Variants in EAPP observed in about 807,000 individuals in gnomAD.
EAPP encodes the protein E2F associated phosphoprotein.
In EAPP, 38 loss-of-function variants were observed where a neutral mutation model predicts 34.3. That is an observed-to-expected ratio of 1.11 (90% CI 0.85 to 1.45). The LOEUF is 1.45. Among genes scored for constraint, EAPP ranks in the 40% most tolerant of loss-of-function variants. EAPP has a pLI of 0.00. For missense variants in EAPP, 338 were observed against 343.7 expected (o/e 0.98, Z 0.13); for synonymous variants, 113 against 117.6 (o/e 0.96, Z 0.25).
At chr14:34,524,542 C>A (rs1449681665) in intron 5 of EAPP, 155 bp downstream of exon 5, 1 of 595,828 alleles carries the variant, frequency 1.7e-6, no homozygotes, top group Admixed American at 2.9e-5. Flanking sequence ...CTTGAACCCA[C>A]GGGGCGGAGG....
intron 4 of EAPP, among the ~76,000 whole-genome samples, chr14:34,528,250 G>A (rs1367841210): frequency 6.6e-6 from 1 of 151,720 alleles, no homozygotes; most frequent in Non-Finnish European, 1.5e-5. Flanking sequence ...TGGCCAGGCT[G>A]GTCTTGAACT....
chr14:34,522,275 C>T (rs1429960829), intron 5 of EAPP, among the ~76,000 whole-genome samples: 5 of 132,260 alleles, frequency 3.8e-5, no homozygotes, highest in African/African-American at 8.2e-5. Context: ...TTAATTATTT[C>T]GATCTCTGTT....
intron 3 of EAPP, among the ~76,000 whole-genome samples, chr14:34,529,753 C>T (rs1388391935): frequency 2.6e-5 from 4 of 152,052 alleles, no homozygotes; most frequent in Admixed American, 6.6e-5. Context: ...CGGTGGCTCA[C>T]GCCTGTAATC....
Position 34,516,129 on chromosome 14 carries a change from GA to G in EAPP, c.*180del, listed in dbSNP as rs144603764. On this transcript the variant is annotated 3_prime_UTR_variant, in exon 6 of 6. Coordinates refer to ENST00000250454, the MANE Select transcript of EAPP (RefSeq NM_018453.4). Reference sequence around the variant, plus strand: ...CCCATCAATAAGGGGGAAAATCAAAGAAAAAAAAAAGGAGAGGGTGAGAGAT... The same window carrying G: ...CCCATCAATAAGGGGGAAAATCAAAGAAAAAAAAAGGAGAGGGTGAGAGAT... 2.1e-3 allele frequency: 977 copies of G among 464,736 alleles called. No individual in the cohort carries two copies. Among genetic ancestry groups the G allele is most frequent in the South Asian group, 3.9e-3 (83 of 21,186 alleles). 28.8% of individuals were successfully genotyped at this position (464,736 alleles called of 1,614,324 possible).
At position 34,536,394 on chromosome 14, in the gene EAPP, T is replaced by C. The variant is rs558498853; in HGVS notation, c.75-119A>G. ...TATTACATGGTTACATTTGATGTAC[T>C]TATACATTACATATAGCTATTCTCA... On this transcript the variant is annotated intron_variant, in intron 1 of 5. Coordinates refer to ENST00000250454, the MANE Select transcript of EAPP (RefSeq NM_018453.4). 40 of 687,776 alleles carry C rather than the reference T, an allele frequency of 5.8e-5. 1 individual carries two copies. In the South Asian group the frequency reaches 8.8e-4, roughly 15 times the overall value. The allele number at this position is 687,776 out of a possible 1,614,324, so 42.6% of individuals were successfully genotyped here. A position where few individuals can be genotyped will look rare whatever the true frequency, so the allele number is the denominator to read the frequency against.
intron 5 of EAPP, among the ~76,000 whole-genome samples, chr14:34,517,921 T>A (rs974324511): frequency 1.3e-5 from 2 of 151,800 alleles, no homozygotes; most frequent in Non-Finnish European, 2.9e-5. Flanking sequence ...ATTAAAGGTG[T>A]ACGCCACCAC....
chr14:34,519,534 A>G (rs1399176661), intron 5 of EAPP, among the ~76,000 whole-genome samples: 1 of 141,750 alleles, frequency 7.1e-6, no homozygotes, highest in Middle Eastern at 3.4e-3. Flanking sequence ...ACTCCCTCTC[A>G]AAAAAAAAAA....
intron 4 of EAPP, among the ~76,000 whole-genome samples, chr14:34,528,643 C>T (rs1312519919): frequency 6.6e-6 from 1 of 151,088 alleles, no homozygotes; most frequent in African/African-American, 2.4e-5. Flanking sequence ...TGGTCTCAAA[C>T]TCCCGACCTC....
chr14:34,529,378 C>A lies in EAPP; in HGVS notation c.450G>T (p.Trp150Cys). 1.2e-6 allele frequency: 2 copies of A among 1,611,676 alleles called. No homozygotes were observed. The highest frequency in any genetic ancestry group is 3.3e-4 in the Middle Eastern group (2 of 6,062). The change falls in exon 4 of 6, where the codon TGG (tryptophan) becomes TGT (cysteine). Residue 150 changes from tryptophan (W) to cysteine (C), a missense_variant. Transcript: ENST00000250454. ...DPEKDNRDQA[W>C]VDAQRRGYHG... is the part of the protein sequence containing the mutation. Reference sequence around the variant, plus strand: ...CTTACCCCCTTCTCTGTGCATCAACCCAGGCCTGATCTCTGTTATCTTTTT... The same window carrying A: ...CTTACCCCCTTCTCTGTGCATCAACACAGGCCTGATCTCTGTTATCTTTTT...
chr14:34,528,565 G>T (rs1395753879), intron 4 of EAPP, among the ~76,000 whole-genome samples: 1 of 151,018 alleles, frequency 6.6e-6, no homozygotes, highest in African/African-American at 2.4e-5. Flanking sequence ...GGAATTACAG[G>T]TGTGCGCCAC....
At chr14:34,518,600 G>A (rs979001079) in intron 5 of EAPP, among the ~76,000 whole-genome samples, 2 of 151,986 alleles carry the variant, frequency 1.3e-5, no homozygotes, top group African/African-American at 4.8e-5. Context: ...TGAAGTGTTG[G>A]GATTACAGGC....
chr14:34,538,379 A>C (rs980875734), intron 1 of EAPP, among the ~76,000 whole-genome samples: 11 of 150,162 alleles, frequency 7.3e-5, no homozygotes, highest in African/African-American at 2.7e-4. Flanking sequence ...ACTCTGTCTC[A>C]AAATAAATAA....
In EAPP at chr14:34,528,955, T is replaced by G. The variant is rs544144417; in HGVS notation, c.470+403A>C. ...TTCGAGACCAGCCTGGCCAACATGG[T>G]GAAACCCGGTCTCTACTAAAAATAC... On this transcript the variant is annotated intron_variant, in intron 4 of 5. Coordinates refer to ENST00000250454, the MANE Select transcript of EAPP (RefSeq NM_018453.4). Among the ~76,000 whole-genome samples the G allele has an allele frequency of 1.1e-4, 17 of 151,520 alleles. No homozygotes were observed. The South Asian group carries it at 3.4e-3, about 30-fold the overall frequency.
intron 1 of EAPP, among the ~76,000 whole-genome samples, chr14:34,536,912 C>G (rs1880497678): frequency 6.6e-6 from 1 of 151,740 alleles, no homozygotes; most frequent in African/African-American, 2.4e-5. Context: ...GATAGATATC[C>G]TGGTTGTGAT....
At chr14:34,539,413 C>G in intron 1 of EAPP, 142 bp downstream of exon 1, 1 of 913,250 alleles carries the variant, frequency 1.1e-6, no homozygotes, top group African/African-American at 1.6e-5. Context: ...CAGGAAAGCC[C>G]TTTGGCTTCG....
intron 5 of EAPP, among the ~76,000 whole-genome samples, chr14:34,520,375 A>G (rs947902967): frequency 1.3e-5 from 2 of 150,316 alleles, no homozygotes; most frequent in African/African-American, 4.9e-5. Context: ...ACGCCCAGCT[A>G]ATTTTTGTAT....
At chr14:34,530,904 C>CAAAAAAAAAAAAAAAAAAAAAAAAAAAAA (rs780101001) in intron 3 of EAPP, among the ~76,000 whole-genome samples, 3 of 55,190 alleles carry the variant, frequency 5.4e-5, no homozygotes, top group East Asian at 7.7e-4. Context: ...CAATCTTTAC[C>CAAAAAAAAAAAAAAAAAAAAAAAAAAAAA]AAAAAAAAAA....
intron 1 of EAPP, 26 bp downstream of exon 1, chr14:34,539,529 G>C (rs1364843977): frequency 6.2e-7 from 1 of 1,603,228 alleles, no homozygotes; most frequent in Non-Finnish European, 8.5e-7. Context: ...CAAATCCTCG[G>C]GGGCCAGGGT....
intron 5 of EAPP, among the ~76,000 whole-genome samples, chr14:34,522,967 T>C (rs1594659823): frequency 6.6e-6 from 1 of 152,312 alleles, no homozygotes; most frequent in East Asian, 1.9e-4. Context: ...CTTTTTCTAA[T>C]GTAAAAATCA....
Sources: allele counts gnomAD v4.1 joint callset (sites outside exome capture counted in the v4.1 genomes callset), GRCh38; gene constraint gnomAD v4.1.1; transcripts MANE v1.5; gene names NCBI Gene and HGNC (gene_info 2026-07-23, HGNC 2026-07-21).